Variants in FHIT observed in about 807,000 individuals in gnomAD.
FHIT encodes the protein fragile histidine triad diadenosine triphosphatase.
Under a neutral mutation model 17.9 loss-of-function variants are expected in FHIT, and 19 were observed. The ratio of observed to expected loss-of-function variants is 1.06; its 90% CI spans 0.74 to 1.56. The LOEUF (loss-of-function observed/expected upper bound fraction) is 1.56, where lower values mean the gene tolerates loss of function less well. Among genes scored for constraint, FHIT ranks in the 40% most tolerant of loss-of-function variants. The pLI is 0.00. For missense variants in FHIT, 248 were observed against 189.2 expected (o/e 1.31, Z -1.82); for synonymous variants, 81 against 69.7 (o/e 1.16, Z -0.81).
chr3:61,015,890 C>A (rs2032079447), intron 3 of FHIT, among the ~76,000 whole-genome samples: 1 of 152,156 alleles, frequency 6.6e-6, no homozygotes, highest in South Asian at 2.1e-4. Flanking sequence ...CACAGAGGAA[C>A]AATACAGATC....
At chr3:60,132,709 T>G (rs951560573) in intron 5 of FHIT, among the ~76,000 whole-genome samples, 3 of 152,312 alleles carry the variant, frequency 2.0e-5, no homozygotes, top group African/African-American at 4.8e-5. Flanking sequence ...CATTTTCCCC[T>G]GATTGTCTCT....
chr3:60,820,920 G>A (rs782007474), intron 4 of FHIT, among the ~76,000 whole-genome samples: 3 of 152,010 alleles, frequency 2.0e-5, no homozygotes, highest in Non-Finnish European at 2.9e-5. Flanking sequence ...GTCCCCTGAC[G>A]ACATGCTAGA....
rs1287390727 is a variant in FHIT, at chr3:60,895,661, CCTTCCTTTCTTTCTTTCTTTCTTTCTTT to C, written c.-110-73678_-110-73651del. Among the ~76,000 whole-genome samples the C allele has an allele frequency of 5.2e-4, 72 of 139,170 alleles. 1 individual carries two copies. Among genetic ancestry groups the C allele is most frequent in the African/African-American group, 1.8e-3 (63 of 34,164 alleles). The allele number at this position is 139,170 out of a possible 152,430, so 91.3% of individuals were successfully genotyped here. A position where few individuals can be genotyped will look rare whatever the true frequency, so the allele number is the denominator to read the frequency against. On this transcript the variant is annotated intron_variant, in intron 3 of 9. Coordinates refer to ENST00000492590, the MANE Select transcript of FHIT (RefSeq NM_002012.4). ...CTTTCCTTCCTTTCCCTCCTTCCTT[CCTTCCTTTCTTTCTTTCTTTCTTTCTTT>C]CTTTCTTTCTTTCTTTCTTTCTTTC... is the stretch of plus-strand genomic sequence containing the variant.
At chr3:60,551,665 C>T (rs1475644219) in intron 4 of FHIT, among the ~76,000 whole-genome samples, 1 of 143,806 alleles carries the variant, frequency 7.0e-6, no homozygotes, top group African/African-American at 2.6e-5. Flanking sequence ...GAGACCATGG[C>T]ACGAAATGCC....
chr3:60,157,588 G>A (rs1700757785), intron 5 of FHIT, among the ~76,000 whole-genome samples: 1 of 152,210 alleles, frequency 6.6e-6, no homozygotes, highest in South Asian at 2.1e-4. Flanking sequence ...TGAGGAAAAG[G>A]CAGAGTAGAA....
At chr3:60,247,577 T>C (rs1317900661) in intron 5 of FHIT, among the ~76,000 whole-genome samples, 1 of 152,164 alleles carries the variant, frequency 6.6e-6, no homozygotes, top group African/African-American at 2.4e-5. Flanking sequence ...ACAGCAGTAA[T>C]CTTATCTTAA....
chr3:61,049,487 A>G (rs1033608689), intron 2 of FHIT, among the ~76,000 whole-genome samples: 3 of 152,090 alleles, frequency 2.0e-5, no homozygotes, highest in Non-Finnish European at 2.9e-5. Context: ...ACATAAAACC[A>G]TCAGTGTAAG....
chr3:60,110,019 T>C (rs1264160418), intron 5 of FHIT, among the ~76,000 whole-genome samples: 1 of 152,166 alleles, frequency 6.6e-6, no homozygotes, highest in Non-Finnish European at 1.5e-5. Flanking sequence ...CGATCAGAAA[T>C]ACTCCATGAT....
At chr3:60,559,689 G>A (rs1434282713) in intron 4 of FHIT, among the ~76,000 whole-genome samples, 1 of 151,996 alleles carries the variant, frequency 6.6e-6, no homozygotes, top group African/African-American at 2.4e-5. Flanking sequence ...CTGAGAAGAT[G>A]GAAAGCATAT....
At chr3:60,183,998 G>GA (rs1702056258) in intron 5 of FHIT, among the ~76,000 whole-genome samples, 2 of 146,464 alleles carry the variant, frequency 1.4e-5, no homozygotes, top group South Asian at 4.4e-4. Flanking sequence ...TTTATTTTTC[G>GA]TTTTTTTTTT....
At chr3:60,184,763 T>A (rs1702091054) in intron 5 of FHIT, among the ~76,000 whole-genome samples, 1 of 152,188 alleles carries the variant, frequency 6.6e-6, no homozygotes, top group African/African-American at 2.4e-5. Flanking sequence ...CTATCCGGAA[T>A]TCTGCTAAAC....
Position 60,075,572 on chromosome 3 carries a change from T to G in FHIT, c.104-61420A>C, listed in dbSNP as rs186193264. On this transcript the variant is annotated intron_variant, in intron 5 of 9. Transcript: ENST00000492590. ...AGTAGATTAAAGAAGGTTAAGCAGGTTTCTGTTCCATGCAACTTCTCAGTA... is the reference window on the plus strand; with the variant it reads ...AGTAGATTAAAGAAGGTTAAGCAGGGTTCTGTTCCATGCAACTTCTCAGTA... Among the ~76,000 whole-genome samples the G allele has an allele frequency of 1.1e-4, 16 of 152,248 alleles. No individual in the cohort carries two copies. In the East Asian group the frequency reaches 3.1e-3, roughly 29 times the overall value.
At chr3:61,071,978 C>A (rs1419888869) in intron 2 of FHIT, among the ~76,000 whole-genome samples, 1 of 152,202 alleles carries the variant, frequency 6.6e-6, no homozygotes, top group Non-Finnish European at 1.5e-5. Flanking sequence ...ATTCTAGTGA[C>A]ACAATCACTC....
At chr3:60,811,750 A>T (rs190336311) in intron 4 of FHIT, among the ~76,000 whole-genome samples, 46 of 152,278 alleles carry the variant, frequency 3.0e-4, no homozygotes, top group Non-Finnish European at 5.4e-4. Context: ...TGCCATGAAG[A>T]TGATCAAACA....
In FHIT at chr3:60,959,922, C is replaced by T. The variant is rs144667515; in HGVS notation, c.-111+82125G>A. ...TCCAACCCTTTCAACAGTGAACATG[C>T]GTTGCTTTTGCAATTACAACAACAA... On this transcript the variant is annotated intron_variant, in intron 3 of 9. Coordinates refer to ENST00000492590, the MANE Select transcript of FHIT (RefSeq NM_002012.4). 6.6e-3 allele frequency among the ~76,000 whole-genome samples: 994 copies of T among 150,758 alleles called. 2 individuals are homozygous for T. Among genetic ancestry groups the T allele is most frequent in the Admixed American group, 9.9e-3 (149 of 15,120 alleles).
chr3:60,057,960 A>G (rs1207593649), intron 5 of FHIT, among the ~76,000 whole-genome samples: 1 of 151,216 alleles, frequency 6.6e-6, no homozygotes, highest in East Asian at 1.9e-4. Flanking sequence ...GGCAAACAGC[A>G]GGACCTAGAC....
At chr3:60,252,271 A>G (rs1185761098) in intron 5 of FHIT, among the ~76,000 whole-genome samples, 1 of 152,190 alleles carries the variant, frequency 6.6e-6, no homozygotes, top group African/African-American at 2.4e-5. Flanking sequence ...GGACATTAAC[A>G]AACAAAAGGA....
chr3:61,111,196 C>T (rs752166669), intron 2 of FHIT, among the ~76,000 whole-genome samples: 13 of 152,154 alleles, frequency 8.5e-5, no homozygotes, highest in South Asian at 4.1e-4. Flanking sequence ...CTTTAAGCCT[C>T]GGTGCCTTTA....
chr3:61,065,219 A>G (rs1049584220), intron 2 of FHIT, among the ~76,000 whole-genome samples: 1 of 151,928 alleles, frequency 6.6e-6, no homozygotes, highest in Non-Finnish European at 1.5e-5. Flanking sequence ...GAGTAATGTG[A>G]TCAACTTTAA....
Sources: gnomAD v4.1 joint callset for allele counts (sites outside exome capture counted in the v4.1 genomes callset) on GRCh38, gnomAD v4.1.1 for gene constraint, MANE v1.5 for transcripts, NCBI Gene and HGNC (gene_info 2026-07-23, HGNC 2026-07-21) for gene names.